Variants in SATB2 observed in about 807,000 individuals in gnomAD.
SATB2 encodes the protein DNA-binding protein SATB2.
A neutral mutation model predicts 73.4 loss-of-function variants in SATB2; 1 was observed. That is an observed-to-expected ratio of 0.01 (90% confidence interval 0.00 to 0.06). The LOEUF (loss-of-function observed/expected upper bound fraction) is 0.06, where lower values mean the gene tolerates loss of function less well. Among genes scored for constraint, SATB2 ranks in the 10% least tolerant of loss-of-function variants. The pLI, the probability that SATB2 is intolerant of heterozygous loss-of-function variation, is 1.00. For missense variants in SATB2, 459 were observed against 945.8 expected, an observed-to-expected ratio of 0.49 and a Z score of 6.75; for synonymous variants, 397 against 367.0, an observed-to-expected ratio of 1.08 and a Z score of -0.93.
chr2:199,273,775 T>G (rs2105709450), intron 10 of SATB2, among the ~76,000 whole-genome samples: 1 of 152,258 alleles, frequency 6.6e-6, no homozygotes, highest in South Asian at 2.1e-4. Context: ...TTTAAATAAT[T>G]TTTCTTTTAT....
intron 3 of SATB2, among the ~76,000 whole-genome samples, chr2:199,423,060 C>T (rs950157884): frequency 1.5e-4 from 23 of 152,042 alleles, no homozygotes; most frequent in African/African-American, 5.3e-4. Flanking sequence ...TATTCAAAAC[C>T]TGTCATTTTG....
chr2:199,333,410 T>C (rs534238387), intron 7 of SATB2, among the ~76,000 whole-genome samples: 4 of 151,734 alleles, frequency 2.6e-5, no homozygotes, highest in Non-Finnish European at 1.5e-5. Context: ...GGAAAAAAAA[T>C]TGGAAGAGGT....
At chr2:199,394,277 G>A (rs951273224) in intron 3 of SATB2, among the ~76,000 whole-genome samples, 7 of 152,270 alleles carry the variant, frequency 4.6e-5, no homozygotes, top group Non-Finnish European at 8.8e-5. Context: ...CTCAGGAAGA[G>A]TGATGCTGAA....
chr2:199,328,982 C>A, intron 7 of SATB2, 72 bp from the exon 8 acceptor site: 5 of 1,149,282 alleles, frequency 4.4e-6, no homozygotes, highest in Non-Finnish European at 2.6e-6. Context: ...TGTCTTCCAC[C>A]CCTCTCCTCC....
chr2:199,403,269 C>T (rs1371844468), intron 3 of SATB2, among the ~76,000 whole-genome samples: 1 of 151,882 alleles, frequency 6.6e-6, no homozygotes. Flanking sequence ...AAAATTAATG[C>T]CATGACAAAA....
At chr2:199,289,175 C>T (rs1692774851) in intron 10 of SATB2, among the ~76,000 whole-genome samples, 1 of 151,370 alleles carries the variant, frequency 6.6e-6, no homozygotes, top group South Asian at 2.1e-4. Context: ...TTGTATCCTC[C>T]ACATTAATGA....
intron 6 of SATB2, among the ~76,000 whole-genome samples, chr2:199,366,297 CAGGGACACAACTCTTACAA>C (rs1408557331): frequency 6.6e-6 from 1 of 152,004 alleles, no homozygotes; most frequent in East Asian, 1.9e-4. Context: ...ATTTTGAAAG[CAGGGACACAACTCTTACAA>C]ATCAAATCAT....
intron 6 of SATB2, among the ~76,000 whole-genome samples, chr2:199,366,583 T>C (rs1689291073): frequency 6.6e-6 from 1 of 152,082 alleles, no homozygotes; most frequent in African/African-American, 2.4e-5. Context: ...TTATGGCAGC[T>C]TGTGTTTACT....
chr2:199,438,301 T>C (rs1691712951), intron 2 of SATB2, among the ~76,000 whole-genome samples: 1 of 152,178 alleles, frequency 6.6e-6, no homozygotes, highest in African/African-American at 2.4e-5. Flanking sequence ...CTAATAACAA[T>C]ATATAATTTT....
chr2:199,348,535 T>C (rs1323991672), intron 7 of SATB2, 166 bp downstream of exon 7: 1 of 682,316 alleles, frequency 1.5e-6, no homozygotes, highest in Non-Finnish European at 2.6e-6. Context: ...ATCATGGTCA[T>C]GCATGGATCA....
chr2:199,397,938 G>T (rs966315067), intron 3 of SATB2: 10 of 222,856 alleles, frequency 4.5e-5, no homozygotes, highest in Non-Finnish European at 9.5e-5. Context: ...TGGGACAAAA[G>T]AATGTTACAA....
chr2:199,336,778 C>T (rs952013595), intron 7 of SATB2, among the ~76,000 whole-genome samples: 4 of 152,188 alleles, frequency 2.6e-5, no homozygotes, highest in Admixed American at 6.6e-5. Context: ...ATCTTCCACT[C>T]TGTGGTAGCA....
In SATB2 at chr2:199,453,545, T is replaced by C. The variant is rs564267174; in HGVS notation, c.169+2324A>G. On this transcript the variant is annotated intron_variant, in intron 2 of 10. Transcript: ENST00000417098. ...TATGTTCAAAAAAATCCTTTAATTATAAAAAAACTAACTAGAAATGTATTT... is the reference window on the plus strand; with the variant it reads ...TATGTTCAAAAAAATCCTTTAATTACAAAAAAACTAACTAGAAATGTATTT... Among the ~76,000 whole-genome samples, 3 of 152,154 alleles carry C rather than the reference T, an allele frequency of 2.0e-5. No individual in the cohort carries two copies. The East Asian group carries it at 5.8e-4, about 29-fold the overall frequency.
chr2:199,413,556 C>T (rs1690884408), intron 3 of SATB2, among the ~76,000 whole-genome samples: 1 of 151,208 alleles, frequency 6.6e-6, no homozygotes, highest in Non-Finnish European at 1.5e-5. Flanking sequence ...ACCCAATGTC[C>T]ACTTTTCCTA....
intron 3 of SATB2, among the ~76,000 whole-genome samples, chr2:199,427,179 C>T (rs1691361792): frequency 6.6e-6 from 1 of 152,082 alleles, no homozygotes; most frequent in Admixed American, 6.6e-5. Context: ...TGCACAGCCA[C>T]TAATTGTTTA....
At chr2:199,430,744 C>A (rs567410974) in intron 3 of SATB2, among the ~76,000 whole-genome samples, 15 of 152,150 alleles carry the variant, frequency 9.9e-5, no homozygotes, top group Admixed American at 7.2e-4. Context: ...AACTGACTAT[C>A]CTATGTTCAC....
At chr2:199,462,152 C>T (rs11898572), upstream of SATB2, among the ~76,000 whole-genome samples, 5,446 of 152,282 alleles carry the variant, frequency 0.036, 326 homozygotes, top group African/African-American at 0.12. This position sits in a 1 kb window ranked among gnomAD's most constrained non-coding sequence, Gnocchi z 5.9. Context: ...TTCCCTCAAC[C>T]CTGGAACACG....
chr2:199,317,398 A>G (rs1687766257), intron 9 of SATB2, among the ~76,000 whole-genome samples: 1 of 152,094 alleles, frequency 6.6e-6, no homozygotes, highest in African/African-American at 2.4e-5. Context: ...ATCAGAGAGG[A>G]AGCTTTAATA....
intron 10 of SATB2, among the ~76,000 whole-genome samples, chr2:199,285,865 C>G (rs1316533907): frequency 1.4e-5 from 2 of 140,232 alleles, no homozygotes; most frequent in African/African-American, 5.1e-5. Context: ...CAATTTCATC[C>G]AGCCTTAGTC....
Sources: gnomAD v4.1 joint callset for allele counts (sites outside exome capture counted in the v4.1 genomes callset) on GRCh38, gnomAD v4.1.1 for gene constraint, Gnocchi (gnomAD v3.1) non-coding constraint, MANE v1.5 for transcripts, NCBI Gene and HGNC (gene_info 2026-07-23, HGNC 2026-07-21) for gene names.